Variants in PRKCE observed in about 807,000 individuals in gnomAD.
The protein encoded by PRKCE is protein kinase C epsilon.
Under a neutral mutation model 85.4 loss-of-function variants are expected in PRKCE, and 16 were observed. The observed-to-expected ratio is 0.19, with a 90% CI of 0.13 to 0.28. The LOEUF (loss-of-function observed/expected upper bound fraction) is 0.28, where lower values mean the gene tolerates loss of function less well. Among genes scored for constraint, PRKCE ranks in the 10% least tolerant of loss-of-function variants. The pLI, the probability that PRKCE is intolerant of heterozygous loss-of-function variation, is 1.00. For missense variants in PRKCE, 573 were observed against 975.2 expected, an observed-to-expected ratio of 0.59 and a Z score of 5.49; for synonymous variants, 388 against 371.5, an observed-to-expected ratio of 1.04 and a Z score of -0.51.
At chr2:46,097,458 T>G (rs1574464090) in intron 11 of PRKCE, among the ~76,000 whole-genome samples, 1 of 147,834 alleles carries the variant, frequency 6.8e-6, no homozygotes, top group South Asian at 2.2e-4. Context: ...AGGCGGAGCT[T>G]GCAGTGAGCC....
At chr2:45,771,673 G>T (rs904923256) in intron 1 of PRKCE, among the ~76,000 whole-genome samples, 2 of 151,740 alleles carry the variant, frequency 1.3e-5, no homozygotes, top group African/African-American at 4.8e-5. Flanking sequence ...TAAGATACAG[G>T]GGACGTGGAG....
At chr2:45,989,911 C>T (rs1703654268) in intron 6 of PRKCE, among the ~76,000 whole-genome samples, 1 of 152,126 alleles carries the variant, frequency 6.6e-6, no homozygotes, top group Non-Finnish European at 1.5e-5. Context: ...ATTCTCTTTC[C>T]ACTTTCATCC....
chr2:45,777,335 C>T (rs1339225057), intron 1 of PRKCE, among the ~76,000 whole-genome samples: 2 of 152,092 alleles, frequency 1.3e-5, no homozygotes, highest in East Asian at 1.9e-4. Context: ...CATGTACCAG[C>T]TTGATCTCCT....
intron 1 of PRKCE, among the ~76,000 whole-genome samples, chr2:45,746,255 A>C (rs1573179772): frequency 6.6e-6 from 1 of 152,088 alleles, no homozygotes; most frequent in African/African-American, 2.4e-5. Context: ...CTTCTGTCCA[A>C]ATCACTCCTC....
chr2:45,752,594 C>T (rs1294894914), intron 1 of PRKCE, among the ~76,000 whole-genome samples: 4 of 152,284 alleles, frequency 2.6e-5, no homozygotes, highest in South Asian at 2.1e-4. Flanking sequence ...GAGCCGGTCT[C>T]GGTGATCTCC....
intron 1 of PRKCE, among the ~76,000 whole-genome samples, chr2:45,709,400 A>T (rs1679411616): frequency 6.6e-6 from 1 of 152,232 alleles, no homozygotes; most frequent in African/African-American, 2.4e-5. Flanking sequence ...CATGCCCTAT[A>T]TCAGCCAGCT....
intron 2 of PRKCE, among the ~76,000 whole-genome samples, chr2:45,849,894 G>A (rs1692111348): frequency 6.6e-6 from 1 of 152,132 alleles, no homozygotes; most frequent in African/African-American, 2.4e-5. Context: ...ATAAATTCTT[G>A]TTCCCAGAAG....
In PRKCE at chr2:46,019,776, T is replaced by G. The variant is rs1043245121; in HGVS notation, c.1437+9259T>G. ...GTTTGGCTAGGAGGCATTTTTTTTT[T>G]TACCACTAAGGAATATATTTACCCA... On this transcript the variant is annotated intron_variant, in intron 10 of 14. Transcript: ENST00000306156. 5.9e-5 allele frequency among the ~76,000 whole-genome samples: 9 copies of G among 152,078 alleles called. No homozygotes were observed. The South Asian group carries it at 8.3e-4, about 14-fold the overall frequency.
intron 14 of PRKCE, among the ~76,000 whole-genome samples, chr2:46,180,695 A>G (rs1679889962): frequency 6.6e-6 from 1 of 152,214 alleles, no homozygotes; most frequent in South Asian, 2.1e-4. Context: ...TGCACTCTGT[A>G]TGCCAGGTTC....
chr2:45,744,477 CTTTCTTTCTTTTTCTTTCTTTCTTT>C (rs1558623720), intron 1 of PRKCE, among the ~76,000 whole-genome samples: 27 of 45,504 alleles, frequency 5.9e-4, no homozygotes, highest in Admixed American at 3.6e-3. Context: ...TTCTTTCTTT[CTTTCTTTCTTTTTCTTTCTTTCTTT>C]TCTTTCTTTC....
rs772278073 is a variant in PRKCE, at chr2:46,138,146, G to T, written c.1593-6947G>T. On this transcript the variant is annotated intron_variant, in intron 11 of 14. Transcript: ENST00000306156. The surrounding 1 kb of genome is among the most constrained non-coding windows in gnomAD (Gnocchi z 4.2). ...TGTCATGTTGTGATTTTCTGGAAGA[G>T]ATCTTCACTCCTACCGCAGGAGAGC... Among the ~76,000 whole-genome samples the T allele has an allele frequency of 2.0e-4, 30 of 152,172 alleles. No homozygotes were observed. The highest frequency in any genetic ancestry group is 6.0e-4 in the African/African-American group (25 of 41,422).
At chr2:45,659,837 CTT>C (rs539573873) in intron 1 of PRKCE, among the ~76,000 whole-genome samples, 7 of 143,390 alleles carry the variant, frequency 4.9e-5, no homozygotes, top group South Asian at 2.2e-4. Context: ...CCTTTCCTGC[CTT>C]TTTTTTTTTT....
intron 2 of PRKCE, among the ~76,000 whole-genome samples, chr2:45,874,890 A>T (rs1002372116): frequency 6.6e-6 from 1 of 151,978 alleles, no homozygotes; most frequent in African/African-American, 2.4e-5. Context: ...GTTCTGGCCT[A>T]TTTTTATTTG....
At chr2:45,961,600 T>G (rs1293434560) in intron 2 of PRKCE, among the ~76,000 whole-genome samples, 1 of 152,158 alleles carries the variant, frequency 6.6e-6, no homozygotes, top group Non-Finnish European at 1.5e-5. Flanking sequence ...GACTTTCAGT[T>G]CAGGAGCAGC....
chr2:45,658,662 G>A (rs1675494261), intron 1 of PRKCE, among the ~76,000 whole-genome samples: 2 of 152,226 alleles, frequency 1.3e-5, no homozygotes, highest in Admixed American at 6.5e-5. Flanking sequence ...TATAAAGCTT[G>A]TAGCAAGTGG....
At chr2:45,761,965 G>T (rs1011708455) in intron 1 of PRKCE, among the ~76,000 whole-genome samples, 18 of 152,130 alleles carry the variant, frequency 1.2e-4, no homozygotes, top group Non-Finnish European at 2.4e-4. Context: ...CTTCCCATCA[G>T]GGAGTTACTG....
intron 12 of PRKCE, among the ~76,000 whole-genome samples, chr2:46,147,537 T>A (rs1426644985): frequency 6.6e-6 from 1 of 152,244 alleles, no homozygotes; most frequent in Non-Finnish European, 1.5e-5. Context: ...CTGTTCACAA[T>A]GAAGCACAGA....
intron 1 of PRKCE, among the ~76,000 whole-genome samples, chr2:45,789,661 T>C (rs913310450): frequency 3.9e-5 from 6 of 152,096 alleles, no homozygotes; most frequent in African/African-American, 1.4e-4. Flanking sequence ...AAGACAGGGA[T>C]TCTCAACCCT....
intron 10 of PRKCE, among the ~76,000 whole-genome samples, chr2:46,034,021 T>G (rs992795002): frequency 2.6e-5 from 4 of 152,136 alleles, no homozygotes; most frequent in Non-Finnish European, 4.4e-5. Context: ...AGGCACCAAG[T>G]CTAGGCAGAT....
Sources: gnomAD v4.1 joint callset for allele counts (sites outside exome capture counted in the v4.1 genomes callset) on GRCh38, gnomAD v4.1.1 for gene constraint, Gnocchi (gnomAD v3.1) non-coding constraint, MANE v1.5 for transcripts, NCBI Gene and HGNC (gene_info 2026-07-23, HGNC 2026-07-21) for gene names.